MOGAT3: variants seen among roughly 807,000 people sequenced by gnomAD.
MOGAT3 encodes the protein monoacylglycerol O-acyltransferase 3.
MOGAT3 carries 39 observed loss-of-function variants against 34.4 expected under a neutral mutation model. The observed-to-expected ratio is 1.13, with a 90% CI of 0.88 to 1.48. The LOEUF is 1.48. MOGAT3 is among the 40% of genes most tolerant of loss of function. The pLI is 0.00. For missense variants in MOGAT3, 439 were observed against 438.9 expected (o/e 1.00, Z 0.00); for synonymous variants, 209 against 179.2 (o/e 1.17, Z -1.33).
chr7:101,197,440 G>A (rs1418303686), intron 5 of MOGAT3, among the ~76,000 whole-genome samples: 3 of 152,026 alleles, frequency 2.0e-5, no homozygotes, highest in Non-Finnish European at 4.4e-5. Context: ...TTCCTGCCTT[G>A]GCCTCCCAAA....
Position 101,198,696 on chromosome 7 carries a change from G to C in MOGAT3, c.423C>G (p.Leu141=), listed in dbSNP as rs1388672120. 6.2e-7 allele frequency: 1 copy of C among 1,613,622 alleles called. No homozygotes were observed. Among genetic ancestry groups the C allele is most frequent in the Non-Finnish European group, 8.5e-7 (1 of 1,180,016 alleles). Residue 141 remains leucine, a synonymous_variant, in exon 4 of 7, where the codon CTC becomes CTG. Coordinates refer to ENST00000223114, the MANE Select transcript of MOGAT3 (RefSeq NM_178176.4). The part of the protein sequence containing the change: ...SNGFSQLFPG[L]RPWLAVLAGL... The stretch of plus-strand genomic sequence containing the variant: ...CAGCCAGCACGGCTAACCAGGGCCG[G>C]AGCCCCGGGAAGAGCTGGGAGAAGC...
chr7:101,196,383 G>A lies in MOGAT3; in HGVS notation c.675C>T (p.Ser225=). The A allele has an allele frequency of 6.2e-7, 1 of 1,608,686 alleles. No individual in the cohort carries two copies. The highest frequency in any genetic ancestry group is 8.5e-7 in the Non-Finnish European group (1 of 1,177,034). ...FVRLALRHGA[S]LVPVYSFGEN... ...CCCCAAAGGAGTACACGGGCACCAG[G>A]GACGCCCTGGGAAGGAGCAAGAGAG... The change falls in exon 6 of 7, where the codon TCC becomes TCT. Residue 225 remains serine, a synonymous_variant. Transcript: ENST00000223114.
chr7:101,200,330 C>G (rs751466498), intron 2 of MOGAT3, 26 bp from the exon 3 acceptor site: 1 of 1,612,680 alleles, frequency 6.2e-7, no homozygotes, highest in Non-Finnish European at 8.5e-7. Flanking sequence ...TACTGGTGGA[C>G]GAACCCCCGG....
intron 5 of MOGAT3, 69 bp from the exon 6 acceptor site, chr7:101,196,458 G>T: frequency 8.7e-7 from 1 of 1,148,740 alleles, no homozygotes; most frequent in Non-Finnish European, 1.2e-6. Context: ...ACCCCCAGGG[G>T]CTACAAGTCC....
downstream of MOGAT3, among the ~76,000 whole-genome samples, chr7:101,194,609 T>C (rs1036852697): frequency 1.3e-5 from 2 of 150,572 alleles, no homozygotes; most frequent in African/African-American, 4.9e-5. Flanking sequence ...TTCACGCCAT[T>C]CTCCTGCCTC....
downstream of MOGAT3, among the ~76,000 whole-genome samples, chr7:101,194,612 C>T (rs1797738077): frequency 6.7e-6 from 1 of 150,264 alleles, no homozygotes; most frequent in Non-Finnish European, 1.5e-5. Flanking sequence ...ACGCCATTCT[C>T]CTGCCTCAAC....
At position 101,195,381 on chromosome 7, in the gene MOGAT3, A is replaced by C. The variant is rs1021319107; in HGVS notation, c.*565T>G. 6.6e-6 allele frequency: 1 copy of C among 151,890 alleles called. No homozygotes were observed. The highest frequency in any genetic ancestry group is 1.5e-5 in the Non-Finnish European group (1 of 68,656). 9.4% of individuals were successfully genotyped at this position (151,890 alleles called of 1,614,324 possible). ...AGGCATGAGCCACCATGCCCGGCTAATTTTTGTAGTTTTAGTAGAGAGGGG... is the reference window on the plus strand; with the variant it reads ...AGGCATGAGCCACCATGCCCGGCTACTTTTTGTAGTTTTAGTAGAGAGGGG... On this transcript the variant is annotated 3_prime_UTR_variant, in exon 7 of 7. Transcript: ENST00000223114.
Position 101,198,178 on chromosome 7 carries a change from C to T in MOGAT3, c.668+13G>A. ...GCAGAGAACTGACAGGTAGGGCCTG[C>T]ACGCGCACTCACCCGTGCCTCAGCG... On this transcript the variant is annotated intron_variant, in intron 5 of 6. Transcript: ENST00000223114. 1.2e-6 allele frequency: 2 copies of T among 1,604,646 alleles called. No homozygotes were observed. The highest frequency in any genetic ancestry group is 2.2e-5 in the East Asian group (1 of 44,714).
In MOGAT3 at chr7:101,200,935, T is replaced by G; in HGVS notation, c.-81A>C. ...GGCTTGGATGTGGACCTGGGCAGAC[T>G]TTCTCCCTACAGGAGCCCAGCTTTG... On this transcript the variant is annotated 5_prime_UTR_variant, in exon 1 of 7. Transcript: ENST00000223114. 1 of 1,205,214 alleles carries G rather than the reference T, an allele frequency of 8.3e-7. No individual in the cohort carries two copies. The highest frequency in any genetic ancestry group is 1.2e-6 in the Non-Finnish European group (1 of 848,644). The allele number at this position is 1,205,214 out of a possible 1,614,324, so 74.7% of individuals were successfully genotyped here. A position where few individuals can be genotyped will look rare whatever the true frequency, so the allele number is the denominator to read the frequency against.
At chr7:101,197,925 A>T (rs1797837914) in intron 5 of MOGAT3, among the ~76,000 whole-genome samples, 1 of 152,212 alleles carries the variant, frequency 6.6e-6, no homozygotes, top group Admixed American at 6.5e-5. Context: ...TTGGGGTCAG[A>T]GAGGGAAGCC....
At chr7:101,199,334 C>T (rs1797889993) in intron 3 of MOGAT3, among the ~76,000 whole-genome samples, 1 of 151,478 alleles carries the variant, frequency 6.6e-6, no homozygotes, top group African/African-American at 2.4e-5. Flanking sequence ...TTTTTTGAGG[C>T]AGAGTTTTGC....
rs757815167 is a variant in MOGAT3, at chr7:101,198,384, G to A, written c.494-19C>T. On this transcript the variant is annotated intron_variant, in intron 4 of 6. Transcript: ENST00000223114. ...CAGAGTCCTGTGGGCAGGAGGAGGT[G>A]GAAAGTAGTTCCCATCTGCCTCCAC... The A allele has an allele frequency of 1.5e-5, 23 of 1,527,362 alleles. No homozygotes were observed. The highest frequency in any genetic ancestry group is 2.8e-5 in the African/African-American group (2 of 72,244). The allele number at this position is 1,527,362 out of a possible 1,614,324, so 94.6% of individuals were successfully genotyped here.
In MOGAT3 at chr7:101,195,964, G is replaced by A. The variant is rs1309184832; in HGVS notation, c.1008C>T (p.Thr336=). The A allele has an allele frequency of 3.7e-6, 6 of 1,614,064 alleles. No homozygotes were observed. The East Asian group carries it at 1.3e-4, about 36-fold the overall frequency. The part of the protein sequence containing the change: ...HKESCGVPAS[T]CLTFI ...GCCAGGCCTAGATGAAGGTGAGGCA[G>A]GTGGAAGCGGGGACCCCACAGCTTT... Residue 336 remains threonine, a synonymous_variant, in exon 7 of 7, where the codon ACC becomes ACT. Coordinates refer to ENST00000223114, the MANE Select transcript of MOGAT3 (RefSeq NM_178176.4).
rs71126387 is a variant in MOGAT3 at position 101,199,614 on chromosome 7, C to CT, written c.288+619dup. ...TAAAGGCTTGAGCCACCACAACCGCCTTTTTTTTTTTTTTTTTTTAGAGAC... is the reference window on the plus strand; with the variant it reads ...TAAAGGCTTGAGCCACCACAACCGCCTTTTTTTTTTTTTTTTTTTTAGAGAC... On this transcript the variant is annotated intron_variant, in intron 3 of 6. Transcript: ENST00000223114. Among the ~76,000 whole-genome samples, 622 of 116,380 alleles carry CT rather than the reference C, an allele frequency of 5.3e-3. 7 individuals carry two copies. Among genetic ancestry groups the CT allele is most frequent in the African/African-American group, 0.019 (575 of 29,746 alleles). The allele number at this position is 116,380 out of a possible 152,430, so 76.3% of individuals were successfully genotyped here. A position where few individuals can be genotyped will look rare whatever the true frequency, so the allele number is the denominator to read the frequency against.
At position 101,195,942 on chromosome 7, in the gene MOGAT3, A is replaced by G. The variant is rs746392298; in HGVS notation, c.*4T>C. 5 of 1,614,002 alleles carry G rather than the reference A, an allele frequency of 3.1e-6. No individual in the cohort carries two copies. The African/African-American group carries it at 6.7e-5, about 22-fold the overall frequency. On this transcript the variant is annotated 3_prime_UTR_variant, in exon 7 of 7. Transcript: ENST00000223114. ...AGGGGCTCAGCGAAAGGCCGCGGCC[A>G]GGCCTAGATGAAGGTGAGGCAGGTG...
In MOGAT3 at chr7:101,195,816, G is replaced by T; in HGVS notation, c.*130C>A. The T allele has an allele frequency of 9.6e-7, 1 of 1,038,120 alleles. No homozygotes were observed. The highest frequency in any genetic ancestry group is 1.4e-6 in the Non-Finnish European group (1 of 704,312). 64.3% of individuals were successfully genotyped at this position (1,038,120 alleles called of 1,614,324 possible). On this transcript the variant is annotated 3_prime_UTR_variant, in exon 7 of 7. Transcript: ENST00000223114. Reference sequence around the variant, plus strand: ...GATCCTCCCACCTTGGCCTCCCAAAGTGCTGGGATTACAGGCATGAGGCAC... The same window carrying T: ...GATCCTCCCACCTTGGCCTCCCAAATTGCTGGGATTACAGGCATGAGGCAC...
At chr7:101,197,451 G>A (rs901905502) in intron 5 of MOGAT3, among the ~76,000 whole-genome samples, 5 of 152,056 alleles carry the variant, frequency 3.3e-5, no homozygotes, top group Non-Finnish European at 5.9e-5. Flanking sequence ...GCCTCCCAAA[G>A]CACTGGGATT....
intron 5 of MOGAT3, 104 bp downstream of exon 5, chr7:101,198,087 C>CT: frequency 7.4e-7 from 1 of 1,356,490 alleles, no homozygotes; most frequent in Admixed American, 2.3e-5. Context: ...GGGCGCTGGT[C>CT]TCTGGGCACC....
chr7:101,200,088 T>TAAA (rs374209264), intron 3 of MOGAT3, 146 bp downstream of exon 3: 6 of 642,124 alleles, frequency 9.3e-6, no homozygotes, highest in Admixed American at 5.1e-5. Flanking sequence ...AGACTCAGTC[T>TAAA]AAAAAAAAAA....
Sources: allele counts gnomAD v4.1 joint callset (sites outside exome capture counted in the v4.1 genomes callset), GRCh38; gene constraint gnomAD v4.1.1; transcripts MANE v1.5; gene names NCBI Gene and HGNC (gene_info 2026-07-23, HGNC 2026-07-21).